Variants in SLC43A2 observed in about 807,000 individuals in gnomAD.
The protein encoded by SLC43A2 is solute carrier family 43 member 2.
SLC43A2 carries 38 observed loss-of-function variants against 63.2 expected under a neutral mutation model. The observed-to-expected ratio is 0.60, with a 90% CI of 0.46 to 0.79. The LOEUF (loss-of-function observed/expected upper bound fraction) is 0.79, where lower values mean the gene tolerates loss of function less well. SLC43A2 is among the 30% of genes least tolerant of loss of function. The probability of loss-of-function intolerance (pLI) is 0.00; values close to 1 mark genes in which losing one functional copy is unlikely to be tolerated. For missense variants in SLC43A2, 644 were observed against 756.2 expected, an observed-to-expected ratio of 0.85 and a Z score of 1.74; for synonymous variants, 322 against 331.0, an observed-to-expected ratio of 0.97 and a Z score of 0.30.
At position 1,622,514 on chromosome 17, in the gene SLC43A2, G is replaced by A. The variant is rs376967074; in HGVS notation, c.160+5201C>T. ...CGGGAGGCGGAGGTTGCGGTGAGCC[G>A]AGATCGCGCCACTGCACTCCAGCCT... On this transcript the variant is annotated intron_variant, in intron 2 of 13. Transcript: ENST00000301335. 7.2e-5 allele frequency among the ~76,000 whole-genome samples: 11 copies of A among 151,740 alleles called. No homozygotes were observed. The East Asian group carries it at 1.8e-3, about 24-fold the overall frequency.
chr17:1,595,473 T>C (rs534363826), intron 5 of SLC43A2, among the ~76,000 whole-genome samples: 1 of 151,946 alleles, frequency 6.6e-6, no homozygotes, highest in East Asian at 1.9e-4. Context: ...AGGCAGGGTA[T>C]CGCTCTGTCA....
rs1006886867 is a variant in SLC43A2 at position 1,575,780 on chromosome 17, A to G, written c.1549-15T>C. 3.1e-6 allele frequency: 5 copies of G among 1,601,864 alleles called. No homozygotes were observed. The highest frequency in any genetic ancestry group is 1.1e-5 in the South Asian group (1 of 90,060). The stretch of plus-strand genomic sequence containing the variant: ...CCCACGTTCACCTGGGGAGGCAGGG[A>G]GGCCGCGCATCACAGGGCGTGGTGG... On this transcript the variant is annotated splice_polypyrimidine_tract_variant and intron_variant, in intron 13 of 13. Transcript: ENST00000301335.
intron 5 of SLC43A2, among the ~76,000 whole-genome samples, chr17:1,602,805 C>A (rs1215811670): frequency 3.6e-5 from 5 of 140,612 alleles, no homozygotes; most frequent in Admixed American, 2.2e-4. Context: ...ATTGCCCAGG[C>A]TGGAGTGCAA....
rs1316259119 is a variant in SLC43A2 at position 1,575,744 on chromosome 17, G to C, written c.1570C>G (p.Leu524Val). The change falls in exon 14 of 14, where the codon CTC becomes GTC. Residue 524 changes from leucine to valine, a missense_variant. Coordinates refer to ENST00000301335, the MANE Select transcript of SLC43A2 (RefSeq NM_152346.3). ...GGGAGGCAGAAGCCCAGCAGGCTGA[G>C]AAGGAGCAGCCCCACGTTCACCTGG... ...PLWVNVGLLL[L>V]SLLGFCLPLY... 1.2e-6 allele frequency: 2 copies of C among 1,612,650 alleles called. No individual in the cohort carries two copies. The highest frequency in any genetic ancestry group is 1.7e-6 in the Non-Finnish European group (2 of 1,179,674).
intron 2 of SLC43A2, among the ~76,000 whole-genome samples, chr17:1,626,831 G>A (rs1013436785): frequency 2.0e-5 from 3 of 152,190 alleles, no homozygotes; most frequent in East Asian, 1.9e-4. Flanking sequence ...AGAAGGCAGA[G>A]GGAAAATTTC....
intron 13 of SLC43A2, among the ~76,000 whole-genome samples, chr17:1,576,001 C>T (rs1350423303): frequency 6.6e-6 from 1 of 151,072 alleles, no homozygotes; most frequent in Non-Finnish European, 1.5e-5. Context: ...AACCTCTGGG[C>T]TTGGAACAAG....
intron 5 of SLC43A2, among the ~76,000 whole-genome samples, chr17:1,594,039 A>G (rs922869979): frequency 6.6e-6 from 1 of 152,130 alleles, no homozygotes; most frequent in African/African-American, 2.4e-5. Context: ...GGGTTTCACC[A>G]TGTTGGCCAG....
Position 1,575,374 on chromosome 17 carries a change from G to T in SLC43A2, c.*230C>A. ...CCAGGCCCCGGGTCCCCGGGGGGCG[G>T]CAGAGCAAAGTCAGGGCAGCCCCTG... On this transcript the variant is annotated 3_prime_UTR_variant, in exon 14 of 14. Transcript: ENST00000301335. 1 of 581,682 alleles carries T rather than the reference G, an allele frequency of 1.7e-6. No homozygotes were observed. The highest frequency in any genetic ancestry group is 3.0e-6 in the Non-Finnish European group (1 of 336,452). The allele number at this position is 581,682 out of a possible 1,614,324, so 36.0% of individuals were successfully genotyped here. A position where few individuals can be genotyped will look rare whatever the true frequency, so the allele number is the denominator to read the frequency against.
chr17:1,604,269 G>A (rs1174938072), intron 5 of SLC43A2: 4 of 152,816 alleles, frequency 2.6e-5, no homozygotes, highest in African/African-American at 9.6e-5. Flanking sequence ...GGCCAGGCTG[G>A]TCTCGAACTC....
At chr17:1,575,789 A>G (rs1332481701) in intron 13 of SLC43A2, 24 bp from the exon 14 acceptor site, 6 of 1,594,152 alleles carry the variant, frequency 3.8e-6, no homozygotes, top group Non-Finnish European at 5.1e-6. Flanking sequence ...GAGGCCGCGC[A>G]TCACAGGGCG....
Position 1,593,564 on chromosome 17 carries a change from A to T in SLC43A2, c.502-285T>A, listed in dbSNP as rs1039148124. ...CTCTCTGCTCCTGGCAGAGCCCAGG[A>T]GCCTTCTTGTCTTTTCAGGGTAACA... On this transcript the variant is annotated intron_variant, in intron 5 of 13. Transcript: ENST00000301335. The surrounding 1 kb of genome is among the most constrained non-coding windows in gnomAD (Gnocchi z 5.3). Among the ~76,000 whole-genome samples the T allele has an allele frequency of 6.6e-6, 1 of 152,222 alleles. No homozygotes were observed. The highest frequency in any genetic ancestry group is 1.9e-4 in the East Asian group (1 of 5,178).
intron 11 of SLC43A2, among the ~76,000 whole-genome samples, chr17:1,581,421 C>G (rs905589354): frequency 3.9e-5 from 6 of 152,252 alleles, no homozygotes; most frequent in African/African-American, 1.4e-4. Context: ...AGGGATGCAG[C>G]ACCCCCTGGG....
At chr17:1,575,890 G>A in intron 13 of SLC43A2, 125 bp from the exon 14 acceptor site, 1 of 1,107,342 alleles carries the variant, frequency 9.0e-7, no homozygotes, top group Non-Finnish European at 1.3e-6. Flanking sequence ...GAAACAGGAA[G>A]GCCCACGAGG....
chr17:1,584,056 C>T (rs1023267244), intron 10 of SLC43A2, among the ~76,000 whole-genome samples: 21 of 151,936 alleles, frequency 1.4e-4, no homozygotes, highest in Non-Finnish European at 7.4e-5. Context: ...CCACCTTACC[C>T]GGCTAATTTT....
intron 2 of SLC43A2, among the ~76,000 whole-genome samples, chr17:1,620,842 G>C (rs1908091159): frequency 6.6e-6 from 1 of 152,112 alleles, no homozygotes; most frequent in African/African-American, 2.4e-5. Flanking sequence ...TCAGGAGAGA[G>C]ACAAACAGAT....
At position 1,627,639 on chromosome 17, in the gene SLC43A2, G is replaced by C. The variant is rs140192865; in HGVS notation, c.160+76C>G. 2.9e-4 allele frequency: 270 copies of C among 941,644 alleles called. 2 individuals are homozygous for C. The African/African-American group carries it at 3.9e-3, about 14-fold the overall frequency. 58.3% of individuals were successfully genotyped at this position (941,644 alleles called of 1,614,324 possible). On this transcript the variant is annotated intron_variant, in intron 2 of 13. Coordinates refer to ENST00000301335, the MANE Select transcript of SLC43A2 (RefSeq NM_152346.3). The stretch of plus-strand genomic sequence containing the variant: ...GGCAATGCGGTGCTGTGGCTCGCTA[G>C]GTCTTCGCCCCCATCCCGCCCCCTC...
Position 1,579,884 on chromosome 17 carries a change from T to C in SLC43A2, c.1351-1561A>G, listed in dbSNP as rs151314597. Reference sequence around the variant, plus strand: ...ACAAAACCATGGAAAACCTCATCCCTTCCTAATTATTTTACTTGGTTCACT... The same window carrying C: ...ACAAAACCATGGAAAACCTCATCCCCTCCTAATTATTTTACTTGGTTCACT... On this transcript the variant is annotated intron_variant, in intron 11 of 13. Coordinates refer to ENST00000301335, the MANE Select transcript of SLC43A2 (RefSeq NM_152346.3). 1.1e-3 allele frequency among the ~76,000 whole-genome samples: 169 copies of C among 151,452 alleles called. 2 individuals are homozygous for C. The East Asian group carries it at 0.026, about 23-fold the overall frequency.
At chr17:1,586,570 C>T (rs1050993098) in intron 9 of SLC43A2, among the ~76,000 whole-genome samples, 3 of 152,082 alleles carry the variant, frequency 2.0e-5, no homozygotes, top group Non-Finnish European at 1.5e-5. Context: ...TGGCAGGCAC[C>T]TGTAACCCCA....
In SLC43A2 at chr17:1,591,670, G is replaced by A. The variant is rs1427259219; in HGVS notation, c.624C>T (p.Ile208=). Residue 208 remains isoleucine, a synonymous_variant, in exon 7 of 14, where the codon ATC becomes ATT. Transcript: ENST00000301335. The part of the protein sequence containing the change: ...KLIYDAGVSF[I]VVLVVWAGCS... Reference sequence around the variant, plus strand: ...AGCCGGCCCAGACCACGAGGACGACGATGAAGGAGACACCAGCATCATAGA... The same window carrying A: ...AGCCGGCCCAGACCACGAGGACGACAATGAAGGAGACACCAGCATCATAGA... The A allele has an allele frequency of 7.8e-6, 11 of 1,412,512 alleles. No individual in the cohort carries two copies. Among genetic ancestry groups the A allele is most frequent in the South Asian group, 4.9e-5 (4 of 82,188 alleles). The allele number at this position is 1,412,512 out of a possible 1,614,324, so 87.5% of individuals were successfully genotyped here. A position where few individuals can be genotyped will look rare whatever the true frequency, so the allele number is the denominator to read the frequency against.
Sources: allele counts gnomAD v4.1 joint callset (sites outside exome capture counted in the v4.1 genomes callset), GRCh38; gene constraint gnomAD v4.1.1; non-coding constraint Gnocchi (gnomAD v3.1); transcripts MANE v1.5; gene names NCBI Gene and HGNC (gene_info 2026-07-23, HGNC 2026-07-21).